Variants in TBC1D8 observed in about 807,000 individuals in gnomAD.
TBC1D8 encodes TBC1 domain family member 8.
TBC1D8 carries 65 observed loss-of-function variants against 118.8 expected under a neutral mutation model. That is an observed-to-expected ratio of 0.55 (90% confidence interval 0.45 to 0.67). The LOEUF (loss-of-function observed/expected upper bound fraction) is 0.67, where lower values mean the gene tolerates loss of function less well. TBC1D8 is among the 30% of genes least tolerant of loss of function. TBC1D8 has a pLI of 0.00. For missense variants in TBC1D8, 1,376 were observed against 1,471.2 expected (o/e 0.94, Z 1.06); for synonymous variants, 566 against 595.8 (o/e 0.95, Z 0.73).
chr2:101,117,601 T>A (rs1158521624), intron 1 of TBC1D8, among the ~76,000 whole-genome samples: 1 of 136,576 alleles, frequency 7.3e-6, no homozygotes, highest in Admixed American at 7.9e-5. Flanking sequence ...TGAGACAGAG[T>A]CTCGCTCTGT....
In TBC1D8 at chr2:101,007,679, T is replaced by A. The variant is rs1055338270; in HGVS notation, c.*142A>T. On this transcript the variant is annotated 3_prime_UTR_variant, in exon 20 of 20. Transcript: ENST00000409318. ...TGCTTGAGGGTTGTGTCGGTTCCCC[T>A]GGCCACAGTTTGTCAGGTTGTTTAG... is the stretch of plus-strand genomic sequence containing the variant. The A allele has an allele frequency of 1.2e-6, 1 of 837,036 alleles. No homozygotes were observed. The highest frequency in any genetic ancestry group is 1.7e-5 in the African/African-American group (1 of 58,934). The allele number at this position is 837,036 out of a possible 1,614,324, so 51.9% of individuals were successfully genotyped here.
chr2:101,020,973 G>C (rs1260227750), intron 17 of TBC1D8, among the ~76,000 whole-genome samples: 1 of 152,134 alleles, frequency 6.6e-6, no homozygotes, highest in Non-Finnish European at 1.5e-5. Flanking sequence ...GGGTTCTTGG[G>C]ACATATGCCC....
At chr2:101,075,390 CAA>C (rs11443594) in intron 2 of TBC1D8, among the ~76,000 whole-genome samples, 129 of 133,322 alleles carry the variant, frequency 9.7e-4, no homozygotes, top group Admixed American at 4.2e-3. Context: ...GACTCCATCT[CAA>C]AAAAAAAAAA....
At chr2:101,130,257 G>A (rs1259923487) in intron 1 of TBC1D8, among the ~76,000 whole-genome samples, 5 of 152,236 alleles carry the variant, frequency 3.3e-5, no homozygotes, top group African/African-American at 1.2e-4. Flanking sequence ...GAGCCGAGGA[G>A]GCCTGGAAGC....
chr2:101,090,462 G>C, intron 1 of TBC1D8, 98 bp from the exon 2 acceptor site: 1 of 1,296,880 alleles, frequency 7.7e-7, no homozygotes, highest in South Asian at 1.4e-5. Flanking sequence ...CTCCATGCTG[G>C]GGTAGCAGAG....
chr2:101,076,399 G>A (rs982730976), intron 2 of TBC1D8, among the ~76,000 whole-genome samples: 1 of 152,224 alleles, frequency 6.6e-6, no homozygotes, highest in Non-Finnish European at 1.5e-5. Flanking sequence ...CAATAGGAGT[G>A]AGACATCCAG....
At chr2:101,096,432 A>AC (rs1298813833) in intron 1 of TBC1D8, among the ~76,000 whole-genome samples, 1 of 149,936 alleles carries the variant, frequency 6.7e-6, no homozygotes, top group East Asian at 1.9e-4. Flanking sequence ...AAAAAAAAAA[A>AC]AAAAAAAAAA....
At chr2:101,102,548 C>A (rs75163266) in intron 1 of TBC1D8, among the ~76,000 whole-genome samples, 22,004 of 141,546 alleles carry the variant, frequency 0.16, 1,782 homozygotes, top group Middle Eastern at 0.25. Context: ...AAAAAAAAAA[C>A]AACAAAAAAC....
At position 101,040,291 on chromosome 2, in the gene TBC1D8, A is replaced by C. The variant is rs757323863; in HGVS notation, c.967T>G (p.Trp323Gly). 6.2e-7 allele frequency: 1 copy of C among 1,614,052 alleles called. No homozygotes were observed. Among genetic ancestry groups the C allele is most frequent in the Non-Finnish European group, 8.5e-7 (1 of 1,179,902 alleles). The change falls in exon 6 of 20, where the codon TGG becomes GGG. Residue 323 changes from tryptophan to glycine, a missense_variant. Physicochemically the swap from Trp to Gly is radical, Grantham distance 184. Coordinates refer to ENST00000409318, the MANE Select transcript of TBC1D8 (RefSeq NM_001330348.2). The stretch of plus-strand genomic sequence containing the variant: ...GTGTGACAGCGACTGAACGGCGTCC[A>C]GAGCGAACAGTCCACAACCGCGTGC... ...KLHAVVDCSL[W>G]TPFSRCHTTG...
chr2:101,104,023 GACA>G (rs1356875211), intron 1 of TBC1D8, among the ~76,000 whole-genome samples: 1 of 152,044 alleles, frequency 6.6e-6, no homozygotes, highest in Non-Finnish European at 1.5e-5. Context: ...AGGTTAACAT[GACA>G]ACATCTCTCC....
intron 17 of TBC1D8, among the ~76,000 whole-genome samples, chr2:101,018,690 AG>A (rs1474374950): frequency 1.3e-5 from 2 of 152,228 alleles, no homozygotes; most frequent in East Asian, 3.8e-4. Flanking sequence ...TCATGATGTG[AG>A]GGGTCCTCAT....
chr2:101,044,458 T>C (rs1184740342), intron 5 of TBC1D8, among the ~76,000 whole-genome samples: 2 of 152,254 alleles, frequency 1.3e-5, no homozygotes, highest in African/African-American at 4.8e-5. Context: ...CTCCTTTTAC[T>C]GAACACCATC....
At chr2:101,042,428 C>A (rs897546891) in intron 5 of TBC1D8, among the ~76,000 whole-genome samples, 21 of 152,210 alleles carry the variant, frequency 1.4e-4, no homozygotes, top group Admixed American at 2.0e-4. Flanking sequence ...AATATGAATT[C>A]TTGGCTTGCT....
chr2:101,008,382 C>G (rs760070358), intron 19 of TBC1D8, 109 bp from the exon 20 acceptor site: 131 of 875,154 alleles, frequency 1.5e-4, no homozygotes, highest in Non-Finnish European at 1.9e-4. Context: ...TTTTTGAAGA[C>G]ACAGAATATA....
chr2:101,082,397 A>C (rs1296680733), intron 2 of TBC1D8, among the ~76,000 whole-genome samples: 1 of 152,144 alleles, frequency 6.6e-6, no homozygotes, highest in Non-Finnish European at 1.5e-5. Flanking sequence ...AATGCAGCCA[A>C]AAACCGGCCC....
At chr2:101,029,965 T>A (rs1311829998) in intron 11 of TBC1D8, 189 bp from the exon 12 acceptor site, 3 of 546,882 alleles carry the variant, frequency 5.5e-6, no homozygotes, top group East Asian at 3.0e-5. Context: ...ATAGCCTTTT[T>A]AAAAAAAATA....
chr2:101,007,824 C>CAA lies in TBC1D8; in HGVS notation c.3463_3464dup (p.Leu1155PhefsTer63), dbSNP rs775746486. On this transcript the variant is annotated frameshift_variant, in exon 20 of 20. Transcript: ENST00000409318. LOFTEE classifies it high-confidence loss of function. ...GTGCATAGCAGCTGCTGTCTTGCTACAAGTTACTCAGCTTAAGTTCAGATT... is the reference window on the plus strand; with the variant it reads ...GTGCATAGCAGCTGCTGTCTTGCTACAAAAGTTACTCAGCTTAAGTTCAGATT... 5 of 1,613,108 alleles carry CAA rather than the reference C, an allele frequency of 3.1e-6. 1 individual carries two copies. The African/African-American group carries it at 5.3e-5, about 17-fold the overall frequency.
At chr2:101,058,306 G>C (rs1682556854) in intron 3 of TBC1D8, among the ~76,000 whole-genome samples, 1 of 152,112 alleles carries the variant, frequency 6.6e-6, no homozygotes, top group South Asian at 2.1e-4. Context: ...AAAAAATTTT[G>C]TTCCTCCAAA....
At chr2:101,063,726 T>G (rs1426519876) in intron 2 of TBC1D8, among the ~76,000 whole-genome samples, 1 of 152,068 alleles carries the variant, frequency 6.6e-6, no homozygotes, top group Non-Finnish European at 1.5e-5. Flanking sequence ...GTTTTTCAAA[T>G]TACATAAAGT....
Sources: gnomAD v4.1 joint callset for allele counts (sites outside exome capture counted in the v4.1 genomes callset) on GRCh38, gnomAD v4.1.1 for gene constraint, MANE v1.5 for transcripts, NCBI Gene and HGNC (gene_info 2026-07-23, HGNC 2026-07-21) for gene names.